SMARCA2: variants seen among roughly 807,000 people sequenced by gnomAD.
SMARCA2 encodes the protein SWI/SNF related BAF chromatin remodeling complex subunit ATPase 2.
Under a neutral mutation model 199.8 loss-of-function variants are expected in SMARCA2, and 61 were observed. The ratio of observed to expected loss-of-function variants is 0.31; its 90% CI spans 0.25 to 0.38. SMARCA2 has a LOEUF of 0.38. SMARCA2 is among the 10% of genes least tolerant of loss of function. The probability of loss-of-function intolerance (pLI) is 1.00; values close to 1 mark genes in which losing one functional copy is unlikely to be tolerated. For synonymous variants in SMARCA2, 935 were observed against 732.0 expected (o/e 1.28, Z -4.48); for missense variants, 1,344 against 2,012.2 (o/e 0.67, Z 6.35).
chr9:2,144,526 C>T (rs1261195495), intron 27 of SMARCA2, among the ~76,000 whole-genome samples: 1 of 152,148 alleles, frequency 6.6e-6, no homozygotes, highest in African/African-American at 2.4e-5. Flanking sequence ...CAAGTAGGAT[C>T]CCCATGGCAG....
intron 32 of SMARCA2, among the ~76,000 whole-genome samples, chr9:2,186,998 C>T (rs1003825812): frequency 2.0e-5 from 3 of 152,262 alleles, no homozygotes; most frequent in Non-Finnish European, 2.9e-5. Flanking sequence ...CCTGAGAATC[C>T]GTATTTCTGG....
intron 22 of SMARCA2, among the ~76,000 whole-genome samples, chr9:2,103,677 A>G (rs1042691045): frequency 1.3e-5 from 2 of 151,714 alleles, no homozygotes; most frequent in Non-Finnish European, 2.9e-5. Flanking sequence ...AGAGAGAGAG[A>G]GAGAGAGAGG....
intron 21 of SMARCA2, among the ~76,000 whole-genome samples, chr9:2,098,799 T>A (rs749372615): frequency 3.3e-5 from 5 of 151,888 alleles, no homozygotes; most frequent in African/African-American, 4.8e-5. Context: ...CTACAAAAAT[T>A]AGCTGGGTGT....
chr9:2,134,362 G>A (rs969196410), intron 27 of SMARCA2, among the ~76,000 whole-genome samples: 1 of 152,054 alleles, frequency 6.6e-6, no homozygotes, highest in African/African-American at 2.4e-5. Flanking sequence ...TTTTTACCTA[G>A]GTGCACACCA....
chr9:2,098,810 C>A (rs558858731), intron 21 of SMARCA2, among the ~76,000 whole-genome samples: 2 of 152,008 alleles, frequency 1.3e-5, no homozygotes, highest in African/African-American at 2.4e-5. Context: ...AGCTGGGTGT[C>A]GTGGCAGGCA....
intron 22 of SMARCA2, 66 bp downstream of exon 22, chr9:2,101,682 C>A: frequency 1.3e-6 from 1 of 796,178 alleles, no homozygotes; most frequent in Non-Finnish European, 2.1e-6. Flanking sequence ...CTCCTCCTCT[C>A]TACAGTGTTT....
intron 4 of SMARCA2, chr9:2,046,173 T>A (rs1436343070): frequency 6.6e-6 from 1 of 152,170 alleles, no homozygotes. Context: ...GAGATTCTTT[T>A]AAAAAAATTT....
At chr9:2,172,262 GTTAT>G (rs1826290606) in intron 29 of SMARCA2, among the ~76,000 whole-genome samples, 1 of 151,980 alleles carries the variant, frequency 6.6e-6, no homozygotes, top group Admixed American at 6.6e-5. Flanking sequence ...ATTAAATGGA[GTTAT>G]TTAAAGCACA....
intron 27 of SMARCA2, among the ~76,000 whole-genome samples, chr9:2,129,676 G>T (rs1021711086): frequency 2.0e-5 from 3 of 152,172 alleles, no homozygotes; most frequent in Admixed American, 2.0e-4. Flanking sequence ...CTGGAGGTCA[G>T]ACTGGCTCAC....
chr9:2,159,713 T>A (rs1358943744), intron 27 of SMARCA2: 34 of 1,460,574 alleles, frequency 2.3e-5, no homozygotes, highest in Non-Finnish European at 3.0e-5. Flanking sequence ...ACAGCAGATT[T>A]GAGTATCCAC....
intron 31 of SMARCA2, among the ~76,000 whole-genome samples, chr9:2,183,195 ATTACAT>A (rs1273113068): frequency 1.3e-5 from 2 of 152,200 alleles, no homozygotes; most frequent in Admixed American, 1.3e-4. Context: ...TGTATATTTG[ATTACAT>A]TTACCTTTAT....
rs1378942942 is a variant in SMARCA2 at position 2,060,916 on chromosome 9, C to G, written c.1622C>G (p.Thr541Ser). The G allele has an allele frequency of 6.2e-7, 1 of 1,614,074 alleles. No homozygotes were observed. Among genetic ancestry groups the G allele is most frequent in the Admixed American group, 1.7e-5 (1 of 60,016 alleles). Residue 541 changes from threonine to serine, a missense_variant, in exon 9 of 34, where the codon ACC becomes AGC. Around this residue, in one of 18 missense-constraint regions of SMARCA2, gnomAD observed 68 missense variants for 70.4 expected, o/e 0.97. Coordinates refer to ENST00000349721, the MANE Select transcript of SMARCA2 (RefSeq NM_003070.5). ...QQTDEYVANL[T>S]NLVWEHKQAQ... ...ACCGATGAGTATGTAGCCAATCTGA[C>G]CAATCTGGTTTGGGAGCACAAGCAA...
intron 5 of SMARCA2, 113 bp from the exon 6 acceptor site, chr9:2,054,484 C>A: frequency 7.9e-7 from 1 of 1,271,590 alleles, no homozygotes; most frequent in Non-Finnish European, 1.1e-6. Flanking sequence ...CTATCAGTAT[C>A]TGGAATATGT....
intron 28 of SMARCA2, among the ~76,000 whole-genome samples, chr9:2,168,909 T>C (rs1470983493): frequency 6.6e-6 from 1 of 152,198 alleles, no homozygotes; most frequent in Admixed American, 6.5e-5. Flanking sequence ...CATACCTAGC[T>C]TCTCTGAGTT....
intron 9 of SMARCA2, among the ~76,000 whole-genome samples, chr9:2,066,598 C>T (rs1820847197): frequency 6.6e-6 from 1 of 152,176 alleles, no homozygotes; most frequent in Admixed American, 6.5e-5. Context: ...TAATTATACT[C>T]CTCCCTTCCT....
intron 32 of SMARCA2, among the ~76,000 whole-genome samples, chr9:2,190,806 A>ATGAT (rs1424990320): frequency 4.6e-5 from 7 of 152,356 alleles, no homozygotes; most frequent in African/African-American, 1.7e-4. Context: ...TGTTAAAAAT[A>ATGAT]TGATTGAACT....
At position 2,181,694 on chromosome 9, in the gene SMARCA2, C is replaced by CAACT. The variant is rs1166444257; in HGVS notation, c.4359+19_4359+22dup. The CAACT allele has an allele frequency of 8.4e-7, 1 of 1,185,688 alleles. No homozygotes were observed. Among genetic ancestry groups the CAACT allele is most frequent in the South Asian group, 1.2e-5 (1 of 81,824 alleles). The allele number at this position is 1,185,688 out of a possible 1,614,324, so 73.4% of individuals were successfully genotyped here. A position where few individuals can be genotyped will look rare whatever the true frequency, so the allele number is the denominator to read the frequency against. ...AAATAAAGGTAGATATTTTGTTTAC[C>CAACT]AACTTTATTCTTCAAGTAAATAAAG... On this transcript the variant is annotated intron_variant, in intron 30 of 33. Transcript: ENST00000349721.
In SMARCA2 at chr9:2,017,871, C is replaced by G. The variant is rs747672022; in HGVS notation, c.-37+2467C>G. On this transcript the variant is annotated intron_variant, in intron 1 of 33. Coordinates refer to ENST00000349721, the MANE Select transcript of SMARCA2 (RefSeq NM_003070.5). This position sits in a 1 kb window ranked among gnomAD's most constrained non-coding sequence, Gnocchi z 8.8. Reference sequence around the variant, plus strand: ...CAGTTCTTTCCCTGCCAGCCCCCTCCGGTCTCCCGGCTCGCCTTTCCTGCA... The same window carrying G: ...CAGTTCTTTCCCTGCCAGCCCCCTCGGGTCTCCCGGCTCGCCTTTCCTGCA... 2 of 152,374 alleles carry G rather than the reference C, an allele frequency of 1.3e-5. No individual in the cohort carries two copies. Among genetic ancestry groups the G allele is most frequent in the African/African-American group, 2.4e-5 (1 of 41,486 alleles). The allele number at this position is 152,374 out of a possible 1,614,324, so 9.4% of individuals were successfully genotyped here. A position where few individuals can be genotyped will look rare whatever the true frequency, so the allele number is the denominator to read the frequency against.
chr9:2,070,333 T>C, intron 9 of SMARCA2, 85 bp from the exon 10 acceptor site: 1 of 1,043,514 alleles, frequency 9.6e-7, no homozygotes, highest in Non-Finnish European at 1.5e-6. Context: ...AACAATGAAA[T>C]CCTATTACAT....
Sources: gnomAD v4.1 joint callset for allele counts (sites outside exome capture counted in the v4.1 genomes callset) on GRCh38, gnomAD v4.1.1 for gene constraint, gnomAD v4.1.1 regional missense constraint, Gnocchi (gnomAD v3.1) non-coding constraint, MANE v1.5 for transcripts, NCBI Gene and HGNC (gene_info 2026-07-23, HGNC 2026-07-21) for gene names.